The following DLC1 variants were observed in gnomAD, a reference collection of about 807,000 sequenced individuals.
The protein encoded by DLC1 is DLC1 Rho GTPase activating protein, also known as rho GTPase-activating protein 7.
DLC1 carries 54 observed loss-of-function variants against 140.3 expected under a neutral mutation model. That is an observed-to-expected ratio of 0.38 (90% CI 0.31 to 0.48). The LOEUF (loss-of-function observed/expected upper bound fraction) is 0.48, where lower values mean the gene tolerates loss of function less well. Among genes scored for constraint, DLC1 ranks in the 20% least tolerant of loss-of-function variants. The pLI is 0.96. For missense variants in DLC1, 2,536 were observed against 1,907.0 expected (o/e 1.33, Z -6.14); for synonymous variants, 986 against 728.1 (o/e 1.35, Z -5.70).
intron 5 of DLC1, among the ~76,000 whole-genome samples, chr8:13,120,620 A>C (rs984824444): frequency 6.6e-6 from 1 of 151,950 alleles, no homozygotes; most frequent in African/African-American, 2.4e-5. Flanking sequence ...ATGCCACTAG[A>C]AACTAAAAAT....
intron 1 of DLC1, among the ~76,000 whole-genome samples, chr8:13,595,065 C>T (rs1285648815): frequency 6.6e-6 from 1 of 151,864 alleles, no homozygotes; most frequent in East Asian, 1.9e-4. Flanking sequence ...GCAGTTTTCT[C>T]TTCAGATCGC....
At chr8:13,185,772 C>T (rs1373200463) in intron 5 of DLC1, among the ~76,000 whole-genome samples, 2 of 152,128 alleles carry the variant, frequency 1.3e-5, no homozygotes, top group South Asian at 2.1e-4. Context: ...CATGTTTTTG[C>T]AGTGGTTGGT....
chr8:13,405,462 G>T (rs767010433), intron 2 of DLC1, among the ~76,000 whole-genome samples: 8 of 152,072 alleles, frequency 5.3e-5, no homozygotes, highest in African/African-American at 1.4e-4. Flanking sequence ...CAAATAATTC[G>T]GAAATATAAA....
chr8:13,190,243 G>T (rs1214216951), intron 5 of DLC1, among the ~76,000 whole-genome samples: 4 of 152,144 alleles, frequency 2.6e-5, no homozygotes, highest in Non-Finnish European at 5.9e-5. Context: ...CATTTCCAGT[G>T]CTTGGTGGCC....
chr8:13,199,177 C>CTT (rs71207132), intron 5 of DLC1, among the ~76,000 whole-genome samples: 269 of 93,238 alleles, frequency 2.9e-3, no homozygotes, highest in Middle Eastern at 8.8e-3. Context: ...TTCTCTTTTT[C>CTT]TTTTTTTTTT....
At chr8:13,551,859 A>AGC (rs1554542303) in intron 1 of DLC1, among the ~76,000 whole-genome samples, 9 of 124,236 alleles carry the variant, frequency 7.2e-5, no homozygotes, top group African/African-American at 2.3e-4. Flanking sequence ...CCTCTAGACA[A>AGC]GTGTGTGTAT....
chr8:13,192,140 A>G (rs1448536435), intron 5 of DLC1, among the ~76,000 whole-genome samples: 1 of 151,558 alleles, frequency 6.6e-6, no homozygotes, highest in Non-Finnish European at 1.5e-5. Flanking sequence ...TAGTAGAGAC[A>G]GGGTTTTACC....
chr8:13,335,004 G>A lies in DLC1; in HGVS notation c.1315-29702C>T, dbSNP rs183202031. On this transcript the variant is annotated intron_variant, in intron 4 of 17. Transcript: ENST00000276297. Reference sequence around the variant, plus strand: ...TTAGCCCACAGAAAATCTGGCTCAGGGGCTCTAGCTGGTTGTCACTGTGCT... The same window carrying A: ...TTAGCCCACAGAAAATCTGGCTCAGAGGCTCTAGCTGGTTGTCACTGTGCT... 3.9e-5 allele frequency among the ~76,000 whole-genome samples: 6 copies of A among 152,270 alleles called. No individual in the cohort carries two copies. The East Asian group carries it at 1.2e-3, about 29-fold the overall frequency.
chr8:13,587,624 T>TAC (rs1554548661), intron 1 of DLC1, among the ~76,000 whole-genome samples: 1 of 141,010 alleles, frequency 7.1e-6, no homozygotes, highest in Non-Finnish European at 1.5e-5. Flanking sequence ...TATATATATA[T>TAC]ACATTGCCTA....
chr8:13,197,772 G>A (rs1827155368), intron 5 of DLC1, among the ~76,000 whole-genome samples: 1 of 152,078 alleles, frequency 6.6e-6, no homozygotes, highest in Non-Finnish European at 1.5e-5. Context: ...AAAATGTGTT[G>A]GGAACTATAA....
intron 5 of DLC1, among the ~76,000 whole-genome samples, chr8:13,144,343 G>C (rs1202208290): frequency 6.6e-6 from 1 of 152,192 alleles, no homozygotes; most frequent in Admixed American, 6.5e-5. Context: ...ACCACTGTCA[G>C]ATTCCTTGGT....
At chr8:13,424,420 C>T (rs1027099041) in intron 2 of DLC1, among the ~76,000 whole-genome samples, 1 of 151,964 alleles carries the variant, frequency 6.6e-6, no homozygotes, top group Non-Finnish European at 1.5e-5. Flanking sequence ...ACCCTGGAGG[C>T]AGAGGTTGCA....
chr8:13,350,107 C>T (rs550325879), intron 4 of DLC1, among the ~76,000 whole-genome samples: 67 of 152,292 alleles, frequency 4.4e-4, no homozygotes, highest in African/African-American at 1.2e-3. Context: ...AATGACGCCT[C>T]TGTGGCCAGA....
At chr8:13,375,927 A>G (rs186492875) in intron 4 of DLC1, among the ~76,000 whole-genome samples, 164 of 152,298 alleles carry the variant, frequency 1.1e-3, no homozygotes, top group African/African-American at 3.8e-3. Context: ...CGGCTACAAA[A>G]TATCAAGGAA....
At chr8:13,345,352 G>C (rs1324828192) in intron 4 of DLC1, among the ~76,000 whole-genome samples, 2 of 151,972 alleles carry the variant, frequency 1.3e-5, no homozygotes, top group African/African-American at 2.4e-5. Context: ...TGAAAACAGA[G>C]AGTCACCATT....
upstream of DLC1, among the ~76,000 whole-genome samples, chr8:13,515,077 T>G (rs1281021256): frequency 2.0e-5 from 3 of 152,138 alleles, no homozygotes; most frequent in Non-Finnish European, 4.4e-5. Flanking sequence ...TAGAGCTTTT[T>G]CTATCCCACA....
At chr8:13,252,030 T>C (rs1482892821) in intron 5 of DLC1, among the ~76,000 whole-genome samples, 2 of 152,222 alleles carry the variant, frequency 1.3e-5, no homozygotes, top group East Asian at 3.9e-4. Context: ...GGACATTGAA[T>C]AAAGTCATAT....
intron 5 of DLC1, among the ~76,000 whole-genome samples, chr8:13,147,109 A>G (rs1259263181): frequency 6.6e-6 from 1 of 152,184 alleles, no homozygotes; most frequent in Non-Finnish European, 1.5e-5. Flanking sequence ...ATCAGTAACA[A>G]AAAAATATTC....
At chr8:13,242,415 A>G (rs1204997810) in intron 5 of DLC1, among the ~76,000 whole-genome samples, 1 of 150,846 alleles carries the variant, frequency 6.6e-6, no homozygotes, top group African/African-American at 2.4e-5. Flanking sequence ...TTCTCCTTGG[A>G]GACAAGGTCT....
Sources: allele counts gnomAD v4.1 joint callset (sites outside exome capture counted in the v4.1 genomes callset), GRCh38; gene constraint gnomAD v4.1.1; transcripts MANE v1.5; gene names NCBI Gene and HGNC (gene_info 2026-07-23, HGNC 2026-07-21).